Variants in ST14 observed in about 807,000 individuals in gnomAD.
ST14 encodes ST14 transmembrane serine protease matriptase.
ST14 carries 40 observed loss-of-function variants against 96.5 expected under a neutral mutation model. The observed-to-expected ratio is 0.41, with a 90% CI of 0.32 to 0.54. The LOEUF is 0.54. Ranked by LOEUF, ST14 falls within the 20% of genes least tolerant of loss-of-function variation. The pLI is 0.17. For missense variants in ST14, 1,066 were observed against 1,188.9 expected, an observed-to-expected ratio of 0.90 and a Z score of 1.52; for synonymous variants, 506 against 492.1, an observed-to-expected ratio of 1.03 and a Z score of -0.37.
Position 130,196,344 on chromosome 11 carries a change from C to A in ST14, c.1119C>A (p.Pro373=). The A allele has an allele frequency of 6.3e-7, 1 of 1,589,090 alleles. No individual in the cohort carries two copies. The highest frequency in any genetic ancestry group is 2.3e-5 in the East Asian group (1 of 43,990). The stretch of plus-strand genomic sequence containing the variant: ...AGCAGCCTCTCTTCCCTCAGGTGCC[C>A]AACAACCAGCATGTGAAGGTGCGCT... The part of the protein sequence containing the change: ...NIDCTWNIEV[P]NNQHVKVRFK... Residue 373 remains proline (P), a synonymous_variant, in exon 10 of 19, where the codon CCC becomes CCA. Transcript: ENST00000278742.
At chr11:130,194,832 A>T in intron 9 of ST14, 95 bp downstream of exon 9, 1 of 1,259,476 alleles carries the variant, frequency 7.9e-7, no homozygotes, top group Non-Finnish European at 1.1e-6. Flanking sequence ...ATGTGTGTGC[A>T]TGTGTTTGCA....
intron 16 of ST14, 87 bp from the exon 17 acceptor site, chr11:130,208,323 C>A: frequency 1.3e-6 from 2 of 1,585,344 alleles, no homozygotes; most frequent in East Asian, 2.2e-5. Flanking sequence ...CTCATCCATG[C>A]GGAATCCTCT....
chr11:130,203,073 C>T (rs1463478493), intron 16 of ST14, among the ~76,000 whole-genome samples: 2 of 152,250 alleles, frequency 1.3e-5, no homozygotes, highest in African/African-American at 2.4e-5. Context: ...TCAGACTTAC[C>T]GATTGGCTGG....
chr11:130,208,778 C>T, intron 17 of ST14, 94 bp downstream of exon 17: 2 of 1,434,296 alleles, frequency 1.4e-6, no homozygotes, highest in Non-Finnish European at 1.9e-6. Flanking sequence ...GGGCGGGGGG[C>T]TGCTCCAGTC....
At chr11:130,180,672 A>G (rs1005661256) in intron 1 of ST14, among the ~76,000 whole-genome samples, 3 of 152,122 alleles carry the variant, frequency 2.0e-5, no homozygotes, top group African/African-American at 7.2e-5. Context: ...TCTCAGAGGG[A>G]GGATTCTCTG....
At position 130,190,160 on chromosome 11, in the gene ST14, G is replaced by T; in HGVS notation, c.634+12G>T. ...GAGGACCCAGGACAGTAAGTATCGT[G>T]CCCGCCTCCTCTTCTGGGTGGGGAA... On this transcript the variant is annotated intron_variant, in intron 6 of 18. Transcript: ENST00000278742. 1 of 1,614,194 alleles carries T rather than the reference G, an allele frequency of 6.2e-7. No homozygotes were observed. Among genetic ancestry groups the T allele is most frequent in the Non-Finnish European group, 8.5e-7 (1 of 1,180,024 alleles).
chr11:130,159,915 G>T lies in ST14; in HGVS notation c.-65G>T. On this transcript the variant is annotated 5_prime_UTR_variant, in exon 1 of 19. Transcript: ENST00000278742. ...CTGCGCCCCGCGCCCCGCGCCCTGC[G>T]GGCCATGGGAGCCGGCCGCCGGCAG... The T allele has an allele frequency of 1.9e-6, 2 of 1,045,602 alleles. No homozygotes were observed. Among genetic ancestry groups the T allele is most frequent in the South Asian group, 4.7e-5 (1 of 21,352 alleles). 64.8% of individuals were successfully genotyped at this position (1,045,602 alleles called of 1,614,324 possible).
At chr11:130,182,993 G>T (rs1307437510) in intron 1 of ST14, among the ~76,000 whole-genome samples, 1 of 149,106 alleles carries the variant, frequency 6.7e-6, no homozygotes, top group East Asian at 2.0e-4. Flanking sequence ...TTTCGCTCTT[G>T]TTGCCCAGGC....
chr11:130,194,096 G>T, intron 7 of ST14, 53 bp from the exon 8 acceptor site: 1 of 1,613,704 alleles, frequency 6.2e-7, no homozygotes. Context: ...TTGGGTGTGT[G>T]AGAAGCTTGG....
intron 6 of ST14, 45 bp downstream of exon 6, chr11:130,190,193 G>A (rs768953313): frequency 6.2e-7 from 1 of 1,612,666 alleles, no homozygotes; most frequent in Non-Finnish European, 8.5e-7. Flanking sequence ...GAAGAGGCGG[G>A]ATGTGGCCAG....
intron 1 of ST14, among the ~76,000 whole-genome samples, chr11:130,168,927 A>C (rs1320968935): frequency 6.6e-6 from 1 of 152,128 alleles, no homozygotes; most frequent in Non-Finnish European, 1.5e-5. Flanking sequence ...CCACCAAGTC[A>C]GAAACAGACT....
chr11:130,192,589 A>C (rs1953315123), intron 7 of ST14, among the ~76,000 whole-genome samples: 1 of 152,050 alleles, frequency 6.6e-6, no homozygotes, highest in Non-Finnish European at 1.5e-5. Context: ...ATGGGGTTTT[A>C]CCATGTTGGT....
At chr11:130,193,274 G>A (rs1953323351) in intron 7 of ST14, among the ~76,000 whole-genome samples, 1 of 152,022 alleles carries the variant, frequency 6.6e-6, no homozygotes, top group African/African-American at 2.4e-5. Context: ...TTATGGAGAT[G>A]AGGCGTTACC....
chr11:130,205,890 G>C (rs533174535), intron 16 of ST14, among the ~76,000 whole-genome samples: 1 of 151,894 alleles, frequency 6.6e-6, no homozygotes, highest in Non-Finnish European at 1.5e-5. Flanking sequence ...GTAGAGACGG[G>C]GTTTCACCAC....
chr11:130,201,420 G>A (rs1953426856), intron 16 of ST14, among the ~76,000 whole-genome samples: 1 of 152,246 alleles, frequency 6.6e-6, no homozygotes, highest in South Asian at 2.1e-4. Context: ...CCTTTGCAGG[G>A]AGGAGAGATG....
chr11:130,194,640 G>T lies in ST14; in HGVS notation c.1016G>T (p.Ser339Ile), dbSNP rs768421553. The T allele has an allele frequency of 1.7e-5, 28 of 1,614,012 alleles. No individual in the cohort carries two copies. Among genetic ancestry groups the T allele is most frequent in the Non-Finnish European group, 2.1e-5 (25 of 1,180,004 alleles). The change falls in exon 9 of 19, where the codon AGC (serine) becomes ATC (isoleucine). Residue 339 changes from serine (S) to isoleucine (I), a missense_variant and splice_region_variant. Transcript: ENST00000278742. The part of the protein sequence containing the change: ...ATFFQLPRMS[S>I]CGGRLRKAQG... ...TGCTTTCTCCCACCTTCCCTCTCAG[G>T]CTGTGGAGGCCGCTTACGTAAAGCC... is the stretch of plus-strand genomic sequence containing the variant.
intron 1 of ST14, among the ~76,000 whole-genome samples, chr11:130,177,886 T>C (rs575008549): frequency 6.6e-6 from 1 of 152,260 alleles, no homozygotes; most frequent in Admixed American, 6.5e-5. Context: ...GTAAGCTGAC[T>C]GTGCCAATTC....
At chr11:130,160,977 C>T (rs908772522) in intron 1 of ST14, among the ~76,000 whole-genome samples, 8 of 152,178 alleles carry the variant, frequency 5.3e-5, no homozygotes, top group African/African-American at 1.7e-4. Context: ...CAAATGATGG[C>T]CTCCCTGCCC....
chr11:130,176,466 G>T (rs1953139600), intron 1 of ST14, among the ~76,000 whole-genome samples: 1 of 151,156 alleles, frequency 6.6e-6, no homozygotes, highest in African/African-American at 2.4e-5. Context: ...TCGGCTCACT[G>T]CAAGCTCCAC....
Sources: allele counts gnomAD v4.1 joint callset (sites outside exome capture counted in the v4.1 genomes callset), GRCh38; gene constraint gnomAD v4.1.1; transcripts MANE v1.5; gene names NCBI Gene and HGNC (gene_info 2026-07-23, HGNC 2026-07-21).